Variants in MINDY4B observed in about 807,000 individuals in gnomAD.
The protein encoded by MINDY4B is inactive ubiquitin carboxyl-terminal hydrolase MINDY-4B.
Under a neutral mutation model 16.7 loss-of-function variants are expected in MINDY4B, and 25 were observed. That is an observed-to-expected ratio of 1.49 (90% confidence interval 1.09 to 2.09). The LOEUF is 2.09. MINDY4B is among the 30% of genes most tolerant of loss of function. The pLI, the probability that MINDY4B is intolerant of heterozygous loss-of-function variation, is 0.00. For missense variants in MINDY4B, 327 were observed against 168.4 expected (o/e 1.94, Z -5.21); for synonymous variants, 132 against 61.9 (o/e 2.13, Z -5.32).
chr3:150,877,584 C>G (rs1357626471), intron 10 of MINDY4B, among the ~76,000 whole-genome samples: 1 of 152,128 alleles, frequency 6.6e-6, no homozygotes, highest in Non-Finnish European at 1.5e-5. Flanking sequence ...CTCTAAGCAC[C>G]ACTGAGCTTG....
chr3:150,888,062 G>A (rs1012711017), intron 7 of MINDY4B, among the ~76,000 whole-genome samples: 3 of 152,126 alleles, frequency 2.0e-5, no homozygotes, highest in South Asian at 4.2e-4. Flanking sequence ...AGCCGAGATC[G>A]CACCACTGTA....
chr3:150,893,700 G>A (rs868049471), intron 4 of MINDY4B, among the ~76,000 whole-genome samples: 2 of 79,184 alleles, frequency 2.5e-5, no homozygotes, highest in Admixed American at 1.3e-4. Context: ...TTTTTTTGGG[G>A]GGGGGGGTGG....
chr3:150,902,068 G>A (rs956865968), intron 3 of MINDY4B, among the ~76,000 whole-genome samples: 2 of 152,094 alleles, frequency 1.3e-5, no homozygotes, highest in Admixed American at 1.3e-4. Flanking sequence ...AAAAGCAGAC[G>A]GAAACTCTGT....
intron 7 of MINDY4B, among the ~76,000 whole-genome samples, chr3:150,886,295 G>C (rs1449651077): frequency 6.6e-6 from 1 of 152,190 alleles, no homozygotes; most frequent in African/African-American, 2.4e-5. Context: ...CTTCTTTACG[G>C]AGACTTTTGC....
intron 2 of MINDY4B, among the ~76,000 whole-genome samples, chr3:150,904,400 C>T (rs971432720): frequency 1.3e-5 from 2 of 152,118 alleles, no homozygotes; most frequent in African/African-American, 4.8e-5. Context: ...TGATCATAGG[C>T]TACTTGGGGC....
At chr3:150,900,552 C>A (rs948205714) in intron 3 of MINDY4B, among the ~76,000 whole-genome samples, 1 of 152,108 alleles carries the variant, frequency 6.6e-6, no homozygotes, top group Non-Finnish European at 1.5e-5. Context: ...ATCCTGAATT[C>A]CCAGGATGTG....
At chr3:150,904,978 G>T (rs1046236827) in intron 2 of MINDY4B, 84 bp downstream of exon 2, 3 of 398,138 alleles carry the variant, frequency 7.5e-6, no homozygotes, top group African/African-American at 6.2e-5. Flanking sequence ...TATGTGCAAA[G>T]AATAAATGCA....
At chr3:150,889,226 A>T (rs1168520096) in intron 7 of MINDY4B, among the ~76,000 whole-genome samples, 1 of 152,264 alleles carries the variant, frequency 6.6e-6, no homozygotes, top group Admixed American at 6.5e-5. Flanking sequence ...TCAAGATGTC[A>T]GCAGGGCAGC....
chr3:150,883,392 A>G (rs980614774), intron 9 of MINDY4B, among the ~76,000 whole-genome samples: 3 of 151,936 alleles, frequency 2.0e-5, no homozygotes, highest in African/African-American at 7.2e-5. Flanking sequence ...TTCAGTTATT[A>G]GGGATTCCTG....
At chr3:150,903,185 C>T (rs1712157014) in intron 3 of MINDY4B, 64 bp downstream of exon 3, 1 of 397,966 alleles carries the variant, frequency 2.5e-6, no homozygotes, top group Non-Finnish European at 4.4e-6. Context: ...GATAAGATTC[C>T]CCAGCCTTGT....
At chr3:150,876,804 C>T (rs1340204573) in intron 10 of MINDY4B, among the ~76,000 whole-genome samples, 1 of 152,156 alleles carries the variant, frequency 6.6e-6, no homozygotes, top group East Asian at 1.9e-4. Context: ...GATTTTTCTT[C>T]TCAGTGGCAG....
intron 7 of MINDY4B, among the ~76,000 whole-genome samples, chr3:150,888,529 T>C (rs927595733): frequency 1.3e-5 from 2 of 152,072 alleles, no homozygotes; most frequent in African/African-American, 2.4e-5. Context: ...AGACACAGGA[T>C]TGATGCATTT....
chr3:150,889,520 C>T lies in MINDY4B; in HGVS notation c.753+800G>A, dbSNP rs375188080. ...GACTAACAACCTTAATATCCCTTTG[C>T]CATATAGTGTAATATATTTACAAGT... On this transcript the variant is annotated intron_variant, in intron 7 of 11. Transcript: ENST00000465419. 6.6e-5 allele frequency among the ~76,000 whole-genome samples: 10 copies of T among 152,340 alleles called. No homozygotes were observed. In the South Asian group the frequency reaches 1.2e-3, roughly 19 times the overall value.
rs1711508310 is a variant in MINDY4B at position 150,880,106 on chromosome 3, C to T, written c.1059+2791G>A. ...TCTTCACGTCAATCCTTAATCTGATCAGGTTGCAGGGCAGGCACATGTGGA... is the reference window on the plus strand; with the variant it reads ...TCTTCACGTCAATCCTTAATCTGATTAGGTTGCAGGGCAGGCACATGTGGA... On this transcript the variant is annotated intron_variant, in intron 10 of 11. Coordinates refer to ENST00000465419, the MANE Select transcript of MINDY4B (RefSeq NM_001351281.2). Among the ~76,000 whole-genome samples the T allele has an allele frequency of 2.0e-5, 3 of 152,238 alleles. No homozygotes were observed. In the South Asian group the frequency reaches 6.2e-4, roughly 31 times the overall value.
At chr3:150,895,031 G>A (rs1479211457) in intron 3 of MINDY4B, among the ~76,000 whole-genome samples, 1 of 152,218 alleles carries the variant, frequency 6.6e-6, no homozygotes, top group East Asian at 1.9e-4. Flanking sequence ...TGGAAGAACT[G>A]GCATTTGAAT....
At position 150,892,297 on chromosome 3, in the gene MINDY4B, A is replaced by G. The variant is rs185533478; in HGVS notation, c.521+1027T>C. Among the ~76,000 whole-genome samples the G allele has an allele frequency of 5.9e-5, 9 of 152,340 alleles. No homozygotes were observed. In the East Asian group the frequency reaches 1.7e-3, roughly 29 times the overall value. ...CATCAGACTGACATTGCTGGAAGCCACAGTCTTCCTCAGCTTCTCCTTCCC... is the reference window on the plus strand; with the variant it reads ...CATCAGACTGACATTGCTGGAAGCCGCAGTCTTCCTCAGCTTCTCCTTCCC... On this transcript the variant is annotated intron_variant, in intron 5 of 11. Coordinates refer to ENST00000465419, the MANE Select transcript of MINDY4B (RefSeq NM_001351281.2).
rs1167291512 is a variant in MINDY4B at position 150,903,400 on chromosome 3, T to G, written c.158A>C (p.His53Pro). ...ATCTTCATTTTCATCAGCAGATGTA[T>G]GGTTGCCTTCATGATTCTGTGCAAA... ...NSTPQNHEGNHTSADENEDGT... is the reference protein window; with the variant it reads ...NSTPQNHEGNPTSADENEDGT... The change falls in exon 3 of 12, where the codon CAT becomes CCT. Residue 53 changes from histidine to proline, a missense_variant. Coordinates refer to ENST00000465419, the MANE Select transcript of MINDY4B (RefSeq NM_001351281.2). The G allele has an allele frequency of 4.8e-5, 19 of 398,434 alleles. No homozygotes were observed. Among genetic ancestry groups the G allele is most frequent in the Non-Finnish European group, 2.2e-5 (5 of 226,024 alleles). The allele number at this position is 398,434 out of a possible 1,614,324, so 24.7% of individuals were successfully genotyped here. A position where few individuals can be genotyped will look rare whatever the true frequency, so the allele number is the denominator to read the frequency against.
chr3:150,905,116 T>C (rs1428524475), intron 1 of MINDY4B, 27 bp from the exon 2 acceptor site: 1 of 398,470 alleles, frequency 2.5e-6, no homozygotes, highest in Non-Finnish European at 4.4e-6. Context: ...AAACATCAAG[T>C]AAATTACTCA....
chr3:150,888,075 C>G (rs1357334326), intron 7 of MINDY4B, among the ~76,000 whole-genome samples: 1 of 152,138 alleles, frequency 6.6e-6, no homozygotes, highest in Non-Finnish European at 1.5e-5. Flanking sequence ...CCACTGTACT[C>G]CAGCCCGGGA....
Sources: allele counts gnomAD v4.1 joint callset (sites outside exome capture counted in the v4.1 genomes callset), GRCh38; gene constraint gnomAD v4.1.1; transcripts MANE v1.5; gene names NCBI Gene and HGNC (gene_info 2026-07-23, HGNC 2026-07-21).